Variants in JAK2 observed in about 807,000 individuals in gnomAD.
The protein encoded by JAK2 is Janus kinase 2.
JAK2 carries 86 observed loss-of-function variants against 139.3 expected under a neutral mutation model. The observed-to-expected ratio is 0.62, with a 90% CI of 0.52 to 0.74. The LOEUF (loss-of-function observed/expected upper bound fraction) is 0.74. Ranked by LOEUF, JAK2 falls within the 30% of genes least tolerant of loss-of-function variation. JAK2 has a pLI of 0.00. For synonymous variants in JAK2, 490 were observed against 437.7 expected (o/e 1.12, Z -1.49); for missense variants, 1,421 against 1,360.3 (o/e 1.04, Z -0.70).
At chr9:5,085,632 C>G in intron 19 of JAK2, 3 of 712,666 alleles carry the variant, frequency 4.2e-6, no homozygotes, top group Non-Finnish European at 7.8e-6. Flanking sequence ...GGACAGCCTT[C>G]TTTTCACCCC....
chr9:5,121,844 G>A (rs372784574), intron 22 of JAK2, among the ~76,000 whole-genome samples: 11 of 152,038 alleles, frequency 7.2e-5, no homozygotes, highest in East Asian at 3.8e-4. Flanking sequence ...GGAAATGTGC[G>A]GGAAATTACA....
intron 4 of JAK2, chr9:5,040,933 T>C (rs1191239838): frequency 2.5e-6 from 1 of 392,520 alleles, no homozygotes; most frequent in African/African-American, 2.2e-5. Flanking sequence ...AGCCTGGCCA[T>C]GGCGGAGCCA....
intron 4 of JAK2, chr9:5,041,838 G>A (rs1816558968): frequency 1.0e-5 from 5 of 477,378 alleles, no homozygotes; most frequent in Non-Finnish European, 1.7e-5. Context: ...CTCCACCAAT[G>A]GGGAGCTGAA....
chr9:5,033,243 A>G (rs146653114), intron 4 of JAK2, among the ~76,000 whole-genome samples: 313 of 152,366 alleles, frequency 2.1e-3, no homozygotes, highest in African/African-American at 6.8e-3. Flanking sequence ...ATATGGGACT[A>G]TGTGAAAAGA....
chr9:5,119,874 AAAAT>A (rs1314128399), intron 22 of JAK2, among the ~76,000 whole-genome samples: 3 of 152,242 alleles, frequency 2.0e-5, no homozygotes, highest in Admixed American at 6.5e-5. Flanking sequence ...TTGCAAGTAG[AAAAT>A]AAATATTTTA....
At position 5,104,772 on chromosome 9, in the gene JAK2, G is replaced by A. The variant is rs542711126; in HGVS notation, c.3059+13861G>A. Among the ~76,000 whole-genome samples the A allele has an allele frequency of 9.2e-5, 14 of 152,250 alleles. No individual in the cohort carries two copies. The East Asian group carries it at 1.9e-3, about 21-fold the overall frequency. On this transcript the variant is annotated intron_variant, in intron 22 of 24. Transcript: ENST00000381652. Reference sequence around the variant, plus strand: ...GTTCAACATTTGCAAATCAATAAACGTAATCCATAACATAAACAGAACCAA... The same window carrying A: ...GTTCAACATTTGCAAATCAATAAACATAATCCATAACATAAACAGAACCAA...
At chr9:5,098,145 A>G (rs1410217857) in intron 22 of JAK2, 1 of 152,210 alleles carries the variant, frequency 6.6e-6, no homozygotes, top group Non-Finnish European at 1.5e-5. Context: ...GAGTGACTTT[A>G]TGGCTGTCCA....
At chr9:5,105,456 G>A (rs1347650738) in intron 22 of JAK2, among the ~76,000 whole-genome samples, 1 of 152,184 alleles carries the variant, frequency 6.6e-6, no homozygotes, top group African/African-American at 2.4e-5. Flanking sequence ...TCATGGATAG[G>A]AAGAATCAAT....
intron 22 of JAK2, chr9:5,098,364 C>G (rs1042993599): frequency 6.6e-6 from 1 of 152,168 alleles, no homozygotes; most frequent in African/African-American, 2.4e-5. Flanking sequence ...TTCAATTAGG[C>G]CTTCAAGACG....
At chr9:5,037,390 A>G (rs1340848217) in intron 4 of JAK2, among the ~76,000 whole-genome samples, 3 of 152,322 alleles carry the variant, frequency 2.0e-5, no homozygotes, top group East Asian at 1.9e-4. Flanking sequence ...TCATGCTGCT[A>G]TAAAGACACA....
chr9:5,088,310 C>A (rs573004814), intron 19 of JAK2, among the ~76,000 whole-genome samples: 1 of 152,130 alleles, frequency 6.6e-6, no homozygotes, highest in Non-Finnish European at 1.5e-5. Context: ...CCTACATGGT[C>A]TAGGTTTTTT....
intron 10 of JAK2, among the ~76,000 whole-genome samples, chr9:5,067,152 T>C (rs1649190194): frequency 6.6e-6 from 1 of 152,136 alleles, no homozygotes; most frequent in South Asian, 2.1e-4. Flanking sequence ...CGGAAGCAAA[T>C]TTTCTGTTTA....
At chr9:5,081,704 T>A in intron 18 of JAK2, 21 bp from the exon 19 acceptor site, 1 of 1,541,900 alleles carries the variant, frequency 6.5e-7, no homozygotes. Flanking sequence ...TTTAAGGTGA[T>A]AATATTCTTT....
At chr9:5,116,063 T>TAA (rs777286590) in intron 22 of JAK2, among the ~76,000 whole-genome samples, 1 of 150,538 alleles carries the variant, frequency 6.6e-6, no homozygotes. Context: ...ATAATAAAAT[T>TAA]TAAAAAAAAA....
intron 4 of JAK2, among the ~76,000 whole-genome samples, chr9:5,036,306 G>C (rs981282640): frequency 6.6e-6 from 1 of 152,202 alleles, no homozygotes; most frequent in Non-Finnish European, 1.5e-5. Flanking sequence ...ACTGCCCAAA[G>C]TCCTTTATGG....
At chr9:5,076,920 G>C (rs915717352) in intron 14 of JAK2, among the ~76,000 whole-genome samples, 2 of 150,932 alleles carry the variant, frequency 1.3e-5, no homozygotes, top group Non-Finnish European at 3.0e-5. Context: ...TGTTTTTCTG[G>C]CAAAATATGT....
chr9:4,991,523 A>G (rs1436209364), intron 2 of JAK2, among the ~76,000 whole-genome samples: 4 of 152,182 alleles, frequency 2.6e-5, no homozygotes, highest in Admixed American at 6.5e-5. Context: ...ATGGTATATG[A>G]TTTCAGGCAA....
At chr9:5,072,390 C>T (rs1307866220) in intron 12 of JAK2, 102 bp from the exon 13 acceptor site, 2 of 780,234 alleles carry the variant, frequency 2.6e-6, no homozygotes, top group Non-Finnish European at 3.8e-6. Context: ...AAAATACTTG[C>T]TTATGGATTT....
chr9:5,100,728 A>G (rs878869413), intron 22 of JAK2: 1 of 152,232 alleles, frequency 6.6e-6, no homozygotes, highest in Admixed American at 6.5e-5. Flanking sequence ...AGCACTATCC[A>G]TCACGATTAC....
Sources: gnomAD v4.1 joint callset for allele counts (sites outside exome capture counted in the v4.1 genomes callset) on GRCh38, gnomAD v4.1.1 for gene constraint, MANE v1.5 for transcripts, NCBI Gene and HGNC (gene_info 2026-07-23, HGNC 2026-07-21) for gene names.